Variants in LARGE1 observed in about 807,000 individuals in gnomAD.
The protein encoded by LARGE1 is LARGE xylosyl- and glucuronyltransferase 1.
Under a neutral mutation model 87.6 loss-of-function variants are expected in LARGE1, and 43 were observed. The ratio of observed to expected loss-of-function variants is 0.49; its 90% CI spans 0.38 to 0.63. The LOEUF is 0.63. LARGE1 is among the 30% of genes least tolerant of loss of function. The probability of loss-of-function intolerance (pLI) is 0.00; values close to 1 mark genes in which losing one functional copy is unlikely to be tolerated. For synonymous variants in LARGE1, 434 were observed against 394.6 expected, an observed-to-expected ratio of 1.10 and a Z score of -1.18; for missense variants, 802 against 1,000.2, an observed-to-expected ratio of 0.80 and a Z score of 2.67.
chr22:33,731,618 T>C (rs2083471313), intron 2 of LARGE1, among the ~76,000 whole-genome samples: 1 of 151,786 alleles, frequency 6.6e-6, no homozygotes, highest in African/African-American at 2.4e-5. Flanking sequence ...ACAAGATGAG[T>C]AAGTCCTACA....
At chr22:33,644,571 G>A (rs529271227) in intron 3 of LARGE1, among the ~76,000 whole-genome samples, 23 of 152,282 alleles carry the variant, frequency 1.5e-4, no homozygotes, top group Non-Finnish European at 2.1e-4. Flanking sequence ...GGGCAATCAA[G>A]CAAGAGAAAG....
chr22:33,259,086 G>A lies in LARGE1; in HGVS notation c.1730+45143C>T, dbSNP rs369752322. Among the ~76,000 whole-genome samples, 15 of 152,098 alleles carry A rather than the reference G, an allele frequency of 9.9e-5. No individual in the cohort carries two copies. In the South Asian group the frequency reaches 1.9e-3, roughly 19 times the overall value. ...GTAGAGACGAGATTTCACCATGTTG[G>A]CCAGGATGGTCTTGAACTCCTGACC... On this transcript the variant is annotated intron_variant, in intron 11 of 11. Coordinates refer to the LARGE1 transcript ENST00000608642.
intron 11 of LARGE1, among the ~76,000 whole-genome samples, chr22:33,223,100 C>T (rs1387846930): frequency 6.6e-6 from 1 of 152,186 alleles, no homozygotes; most frequent in Non-Finnish European, 1.5e-5. Context: ...TTAGCAAGAT[C>T]GCTTTCCAAC....
At chr22:33,756,519 G>T (rs576143690) in intron 2 of LARGE1, among the ~76,000 whole-genome samples, 4 of 152,270 alleles carry the variant, frequency 2.6e-5, no homozygotes, top group African/African-American at 9.6e-5. Context: ...GATCTAGGCA[G>T]CCAGACAAAG....
intron 5 of LARGE1, among the ~76,000 whole-genome samples, chr22:33,566,073 T>C (rs2078016830): frequency 3.3e-5 from 2 of 61,466 alleles, no homozygotes; most frequent in Admixed American, 4.1e-4. Flanking sequence ...CAAAAAATAT[T>C]GATCTCCTTT....
At chr22:33,463,213 G>A (rs565475175) in intron 6 of LARGE1, among the ~76,000 whole-genome samples, 1 of 151,200 alleles carries the variant, frequency 6.6e-6, no homozygotes, top group Admixed American at 6.6e-5. Context: ...TTTCATTTGG[G>A]AATTTAAATA....
intron 6 of LARGE1, among the ~76,000 whole-genome samples, chr22:33,555,344 G>A (rs1175082286): frequency 6.6e-6 from 1 of 152,106 alleles, no homozygotes; most frequent in African/African-American, 2.4e-5. Context: ...CCTATGGGGT[G>A]AGGCAGAGCA....
intron 5 of LARGE1, among the ~76,000 whole-genome samples, chr22:33,585,716 G>A (rs1013381792): frequency 2.0e-5 from 3 of 152,120 alleles, no homozygotes; most frequent in Non-Finnish European, 2.9e-5. Flanking sequence ...CTTTACTCAG[G>A]TTATATATTA....
At chr22:33,413,598 G>A (rs1282744082) in intron 7 of LARGE1, among the ~76,000 whole-genome samples, 1 of 151,980 alleles carries the variant, frequency 6.6e-6, no homozygotes, top group African/African-American at 2.4e-5. Context: ...CTGAGTACCC[G>A]GGACTACAGG....
Position 33,587,026 on chromosome 22 carries a change from G to C in LARGE1, c.615+17409C>G, listed in dbSNP as rs189134623. ...TTAAACTTTGAAGAGAACTAGTTTT[G>C]TGTCTTATTTTAAACTTAATATTAC... On this transcript the variant is annotated intron_variant, in intron 5 of 14. Transcript: ENST00000397394. 3.2e-3 allele frequency among the ~76,000 whole-genome samples: 490 copies of C among 152,238 alleles called. 2 individuals are homozygous for C. The highest frequency in any genetic ancestry group is 0.011 in the African/African-American group (465 of 41,546).
intron 12 of LARGE1, among the ~76,000 whole-genome samples, chr22:33,300,816 A>G (rs570155279): frequency 1.7e-3 from 261 of 152,228 alleles, no homozygotes; most frequent in African/African-American, 6.0e-3. Context: ...CTGGGATTAC[A>G]CGCGTGAGCC....
At chr22:33,101,316 G>A in the LARGE1 span, among the ~76,000 whole-genome samples, 8 of 152,224 alleles carry the variant, frequency 5.3e-5, no homozygotes, top group Non-Finnish European at 1.2e-4. Context: ...TTTATCAGCT[G>A]TGTGAACTTG....
At chr22:33,836,805 A>G (rs963445943) in intron 1 of LARGE1, among the ~76,000 whole-genome samples, 1 of 152,078 alleles carries the variant, frequency 6.6e-6, no homozygotes, top group African/African-American at 2.4e-5. Flanking sequence ...TGGAAAAAAA[A>G]AAAAAGAATT....
At chr22:33,341,873 T>G (rs1217514743) in intron 9 of LARGE1, among the ~76,000 whole-genome samples, 2 of 152,130 alleles carry the variant, frequency 1.3e-5, no homozygotes, top group Non-Finnish European at 2.9e-5. Flanking sequence ...TCCATAAGTG[T>G]GGGTTTCCTA....
chr22:33,627,459 G>A (rs1236520730), intron 3 of LARGE1, among the ~76,000 whole-genome samples: 2 of 152,166 alleles, frequency 1.3e-5, no homozygotes, highest in African/African-American at 2.4e-5. Flanking sequence ...GAACAATGAC[G>A]TTTCCTCCAG....
At chr22:33,373,693 T>A (rs1406701032) in intron 9 of LARGE1, among the ~76,000 whole-genome samples, 1 of 152,030 alleles carries the variant, frequency 6.6e-6, no homozygotes, top group Non-Finnish European at 1.5e-5. Flanking sequence ...TAAATGTTTA[T>A]CTTGGGTACG....
intron 2 of LARGE1, among the ~76,000 whole-genome samples, chr22:33,667,827 T>C: frequency 6.6e-6 from 1 of 152,254 alleles, no homozygotes; most frequent in East Asian, 1.9e-4. Context: ...AAAGGCCTTT[T>C]CTATAAGGAC....
chr22:33,373,988 A>AG (rs2064911538), intron 9 of LARGE1, among the ~76,000 whole-genome samples: 1 of 151,730 alleles, frequency 6.6e-6, no homozygotes, highest in Non-Finnish European at 1.5e-5. Context: ...AAAAAAAAAA[A>AG]AAAAAAAGTT....
intron 1 of LARGE1, among the ~76,000 whole-genome samples, chr22:33,813,366 C>T (rs947548708): frequency 6.6e-6 from 1 of 152,054 alleles, no homozygotes; most frequent in African/African-American, 2.4e-5. Context: ...ATTGTATGCT[C>T]TTTTGTTCAT....
Sources: gnomAD v4.1 joint callset for allele counts (sites outside exome capture counted in the v4.1 genomes callset) on GRCh38, gnomAD v4.1.1 for gene constraint, MANE v1.5 for transcripts, NCBI Gene and HGNC (gene_info 2026-07-23, HGNC 2026-07-21) for gene names.